TDRP: variants seen among roughly 807,000 people sequenced by gnomAD.
The protein encoded by TDRP is testis development-related protein.
A neutral mutation model predicts 10.5 loss-of-function variants in TDRP; 12 were observed. The ratio of observed to expected loss-of-function variants is 1.15; its 90% CI spans 0.73 to 1.86. TDRP has a LOEUF of 1.86. TDRP is among the 40% of genes most tolerant of loss of function. The pLI, the probability that TDRP is intolerant of heterozygous loss-of-function variation, is 0.00. For synonymous variants in TDRP, 139 were observed against 95.4 expected (o/e 1.46, Z -2.67); for missense variants, 353 against 229.2 (o/e 1.54, Z -3.49).
At chr8:502,000 G>A (rs75044234) in intron 1 of TDRP, among the ~76,000 whole-genome samples, 57 of 152,336 alleles carry the variant, frequency 3.7e-4, no homozygotes, top group African/African-American at 1.3e-3. Flanking sequence ...GGGTGGTGAC[G>A]TGGTGAGGGA....
At chr8:541,824 C>T (rs1230472541) in intron 1 of TDRP, among the ~76,000 whole-genome samples, 1 of 152,142 alleles carries the variant, frequency 6.6e-6, no homozygotes, top group East Asian at 1.9e-4. Context: ...ACTGGTGCAG[C>T]CACTTTGGAA....
chr8:525,337 G>A (rs955417147), intron 1 of TDRP, among the ~76,000 whole-genome samples: 1 of 152,132 alleles, frequency 6.6e-6, no homozygotes, highest in African/African-American at 2.4e-5. Context: ...TGAAAGAAAA[G>A]GATGTTAATT....
chr8:491,737 G>C lies in TDRP; in HGVS notation c.*662C>G. ...GGACCGATTTAGAAGTTCAAAAGAGGTAAAAATAAAATTCCAAAAAAGAAC... is the reference window on the plus strand; with the variant it reads ...GGACCGATTTAGAAGTTCAAAAGAGCTAAAAATAAAATTCCAAAAAAGAAC... On this transcript the variant is annotated 3_prime_UTR_variant, in exon 3 of 3. Coordinates refer to ENST00000324079, the MANE Select transcript of TDRP (RefSeq NM_001384899.1). The C allele has an allele frequency of 7.0e-7, 1 of 1,421,956 alleles. No homozygotes were observed. The highest frequency in any genetic ancestry group is 9.1e-7 in the Non-Finnish European group (1 of 1,097,692). 88.1% of individuals were successfully genotyped at this position (1,421,956 alleles called of 1,614,324 possible). A position where few individuals can be genotyped will look rare whatever the true frequency, so the allele number is the denominator to read the frequency against.
At chr8:536,736 T>C (rs1802356388) in intron 1 of TDRP, among the ~76,000 whole-genome samples, 1 of 152,216 alleles carries the variant, frequency 6.6e-6, no homozygotes, top group Non-Finnish European at 1.5e-5. Flanking sequence ...AGAAAATGTT[T>C]TGCTATGTTT....
At chr8:511,493 G>A (rs1275324901) in intron 1 of TDRP, among the ~76,000 whole-genome samples, 1 of 151,978 alleles carries the variant, frequency 6.6e-6, no homozygotes, top group Non-Finnish European at 1.5e-5. Context: ...AGACATAAAG[G>A]GAGAACTAGA....
At chr8:531,999 G>C (rs1299105548) in intron 1 of TDRP, among the ~76,000 whole-genome samples, 1 of 152,206 alleles carries the variant, frequency 6.6e-6, no homozygotes, top group Non-Finnish European at 1.5e-5. Flanking sequence ...TGCTATAGCA[G>C]AACAAAACAA....
At chr8:501,685 G>C (rs990024557) in intron 1 of TDRP, among the ~76,000 whole-genome samples, 2 of 152,192 alleles carry the variant, frequency 1.3e-5, no homozygotes, top group Admixed American at 1.3e-4. Flanking sequence ...TAAAGTCATA[G>C]GTCAGGAAAA....
chr8:507,299 T>G (rs868205541), intron 1 of TDRP, among the ~76,000 whole-genome samples: 6 of 151,986 alleles, frequency 3.9e-5, no homozygotes, highest in Non-Finnish European at 7.4e-5. Flanking sequence ...AGAAGGAGAT[T>G]TGAGACAAGC....
chr8:524,291 C>T (rs780332649), intron 1 of TDRP, among the ~76,000 whole-genome samples: 2 of 152,136 alleles, frequency 1.3e-5, no homozygotes, highest in African/African-American at 2.4e-5. Flanking sequence ...ACACCCAAGT[C>T]CCTTTGAATA....
chr8:517,682 TA>T (rs1429117209), intron 1 of TDRP, among the ~76,000 whole-genome samples: 1 of 152,196 alleles, frequency 6.6e-6, no homozygotes, highest in Non-Finnish European at 1.5e-5. Flanking sequence ...TTTGTCCCCC[TA>T]AAATGTAGAA....
At position 492,198 on chromosome 8, in the gene TDRP, C is replaced by A; in HGVS notation, c.*201G>T. 1 of 1,267,644 alleles carries A rather than the reference C, an allele frequency of 7.9e-7. No homozygotes were observed. Among genetic ancestry groups the A allele is most frequent in the Non-Finnish European group, 9.9e-7 (1 of 1,010,168 alleles). 78.5% of individuals were successfully genotyped at this position (1,267,644 alleles called of 1,614,324 possible). ...GTGAATATTTCTGCAATAAGGCAAT[C>A]AAATGTACAATCCCTGCACGTGTTC... On this transcript the variant is annotated 3_prime_UTR_variant, in exon 3 of 3. Coordinates refer to ENST00000324079, the MANE Select transcript of TDRP (RefSeq NM_001384899.1).
At chr8:510,994 G>A (rs1200817761) in intron 1 of TDRP, among the ~76,000 whole-genome samples, 1 of 152,110 alleles carries the variant, frequency 6.6e-6, no homozygotes, top group African/African-American at 2.4e-5. Context: ...TAAGAAATCG[G>A]CTACAGATGG....
intron 1 of TDRP, among the ~76,000 whole-genome samples, chr8:500,696 C>G (rs985329854): frequency 6.6e-6 from 1 of 152,240 alleles, no homozygotes; most frequent in Non-Finnish European, 1.5e-5. Context: ...ATGGAAATTT[C>G]TCCTTTTGCC....
chr8:504,565 CG>C (rs1465593386), intron 1 of TDRP, among the ~76,000 whole-genome samples: 6 of 152,164 alleles, frequency 3.9e-5, no homozygotes, highest in African/African-American at 1.4e-4. Context: ...TGCCACAAAC[CG>C]TGATTCGCAG....
chr8:494,784 T>C (rs538778001), intron 1 of TDRP, among the ~76,000 whole-genome samples, 187 bp from the exon 2 acceptor site: 4 of 152,224 alleles, frequency 2.6e-5, no homozygotes, highest in African/African-American at 4.8e-5. Flanking sequence ...TGTTTTGGTA[T>C]TGTGGTCCTA....
upstream of TDRP, chr8:544,876 G>A (rs1427056650): frequency 6.0e-6 from 4 of 669,296 alleles, no homozygotes; most frequent in East Asian, 3.8e-5. Context: ...GGGCCGGGCG[G>A]GGCTAGGCGG....
chr8:523,983 G>A (rs1225967837), intron 1 of TDRP, among the ~76,000 whole-genome samples: 2 of 152,202 alleles, frequency 1.3e-5, no homozygotes, highest in Non-Finnish European at 2.9e-5. Flanking sequence ...GGTTATAGCA[G>A]GGCCTTGAGC....
intron 1 of TDRP, among the ~76,000 whole-genome samples, chr8:538,581 G>T (rs1321538559): frequency 6.6e-6 from 1 of 152,118 alleles, no homozygotes; most frequent in Non-Finnish European, 1.5e-5. Context: ...CTCAACAAAA[G>T]GCAGAGATAG....
chr8:491,420 A>G lies in TDRP; in HGVS notation c.*979T>C. On this transcript the variant is annotated 3_prime_UTR_variant, in exon 3 of 3. Coordinates refer to ENST00000324079, the MANE Select transcript of TDRP (RefSeq NM_001384899.1). ...CAGGATCACATTGTCAAGGACAGTA[A>G]GCAGACAGAAAAAGAACGCGAGAGA... The G allele has an allele frequency of 2.0e-6, 1 of 498,870 alleles. No homozygotes were observed. Among genetic ancestry groups the G allele is most frequent in the East Asian group, 3.3e-5 (1 of 30,312 alleles). 30.9% of individuals were successfully genotyped at this position (498,870 alleles called of 1,614,324 possible).
Sources: allele counts gnomAD v4.1 joint callset (sites outside exome capture counted in the v4.1 genomes callset), GRCh38; gene constraint gnomAD v4.1.1; transcripts MANE v1.5; gene names NCBI Gene and HGNC (gene_info 2026-07-23, HGNC 2026-07-21).